SH3TC1: variants seen among roughly 807,000 people sequenced by gnomAD.
The protein encoded by SH3TC1 is SH3 domain and tetratricopeptide repeats 1.
Under a neutral mutation model 117.3 loss-of-function variants are expected in SH3TC1, and 135 were observed. The ratio of observed to expected loss-of-function variants is 1.15; its 90% CI spans 1.00 to 1.33. The LOEUF (loss-of-function observed/expected upper bound fraction) is 1.33. Among genes scored for constraint, SH3TC1 ranks in the 40% most tolerant of loss-of-function variants. The pLI is 0.00. For synonymous variants in SH3TC1, 898 were observed against 816.9 expected, an observed-to-expected ratio of 1.10 and a Z score of -1.69; for missense variants, 2,092 against 1,794.3, an observed-to-expected ratio of 1.17 and a Z score of -3.00.
chr4:8,222,729 GT>G, intron 9 of SH3TC1, 110 bp from the exon 10 acceptor site: 2 of 1,354,798 alleles, frequency 1.5e-6, no homozygotes, highest in Non-Finnish European at 2.0e-6. Context: ...TGGGCAGAGA[GT>G]AGTGCTCCGA....
chr4:8,192,580 G>A lies in SH3TC1; in HGVS notation c.-57+10370G>A, dbSNP rs775212534. Among the ~76,000 whole-genome samples, 3 of 151,788 alleles carry A rather than the reference G, an allele frequency of 2.0e-5. No individual in the cohort carries two copies. Among genetic ancestry groups the A allele is most frequent in the Non-Finnish European group, 2.9e-5 (2 of 67,994 alleles). On this transcript the variant is annotated intron_variant, in intron 1 of 16. Coordinates refer to the SH3TC1 transcript ENST00000508641. This position sits in a 1 kb window ranked among gnomAD's most constrained non-coding sequence, Gnocchi z 4.1. ...ATGATCTCAGCTCACTGCAACCTCT[G>A]CCTACTGGGTTCAAGCAATTCTCCC... is the stretch of plus-strand genomic sequence containing the variant.
Position 8,208,905 on chromosome 4 carries a change from T to C in SH3TC1, c.173-843T>C, listed in dbSNP as rs575998989. ...GAAGACCGGCCACACAGAAGTTCAC[T>C]ACTCTCTGCTGCAGTTGCAGGTTTT... is the stretch of plus-strand genomic sequence containing the variant. On this transcript the variant is annotated intron_variant, in intron 2 of 17. Transcript: ENST00000245105. 2.0e-5 allele frequency among the ~76,000 whole-genome samples: 3 copies of C among 152,354 alleles called. No homozygotes were observed. In the South Asian group the frequency reaches 6.2e-4, roughly 32 times the overall value.
At chr4:8,222,130 G>A (rs1004139077) in intron 9 of SH3TC1, among the ~76,000 whole-genome samples, 15 of 152,080 alleles carry the variant, frequency 9.9e-5, no homozygotes, top group African/African-American at 2.4e-5. Context: ...GGGGAGCACT[G>A]AGGTTGTACA....
At chr4:8,216,519 G>A (rs577309803) in intron 6 of SH3TC1, among the ~76,000 whole-genome samples, 1 of 152,334 alleles carries the variant, frequency 6.6e-6, no homozygotes, top group East Asian at 1.9e-4. Context: ...CCAGTCCCCA[G>A]CTCGTGTCTC....
intron 2 of SH3TC1, among the ~76,000 whole-genome samples, chr4:8,207,516 C>A (rs1718309702): frequency 6.6e-6 from 1 of 152,212 alleles, no homozygotes; most frequent in African/African-American, 2.4e-5. Context: ...ATCCTTGCGA[C>A]AGAGGCTGCC....
Position 8,205,185 on chromosome 4 carries a change from T to A in SH3TC1, c.-10T>A. 6.6e-7 allele frequency: 1 copy of A among 1,510,970 alleles called. No homozygotes were observed. Among genetic ancestry groups the A allele is most frequent in the Non-Finnish European group, 8.8e-7 (1 of 1,130,176 alleles). 93.6% of individuals were successfully genotyped at this position (1,510,970 alleles called of 1,614,324 possible). ...TCCACAGGGCCAGGCATGTGAGGTC[T>A]CTGCGGGTCATGGAGAACCTCCCTG... is the stretch of plus-strand genomic sequence containing the variant. On this transcript the variant is annotated 5_prime_UTR_variant, in exon 2 of 18. Coordinates refer to ENST00000245105, the MANE Select transcript of SH3TC1 (RefSeq NM_018986.5). This position sits in a 1 kb window ranked among gnomAD's most constrained non-coding sequence, Gnocchi z 5.4.
upstream of SH3TC1, among the ~76,000 whole-genome samples, chr4:8,195,109 G>C (rs1578639304): frequency 6.6e-6 from 1 of 152,212 alleles, no homozygotes; most frequent in Non-Finnish European, 1.5e-5. Flanking sequence ...TCACCAGCAG[G>C]CATCAGGAGA....
At chr4:8,226,099 T>C (rs1720436880) in intron 11 of SH3TC1, among the ~76,000 whole-genome samples, 1 of 152,182 alleles carries the variant, frequency 6.6e-6, no homozygotes, top group Admixed American at 6.5e-5. Flanking sequence ...GGAGACAGTT[T>C]GTAGTGAAAA....
intron 1 of SH3TC1, chr4:8,204,960 C>G: frequency 2.6e-6 from 1 of 391,158 alleles, no homozygotes; most frequent in Non-Finnish European, 4.5e-6. Flanking sequence ...GCACAGCAAA[C>G]CCGAGATAGG....
upstream of SH3TC1, among the ~76,000 whole-genome samples, chr4:8,197,931 G>T (rs185631028): frequency 6.6e-6 from 1 of 152,176 alleles, no homozygotes; most frequent in Admixed American, 6.5e-5. Context: ...GGCTGGAGGG[G>T]CTTTGACCTG....
Position 8,232,018 on chromosome 4 carries a change from C to G in SH3TC1, c.2993C>G (p.Ala998Gly), listed in dbSNP as rs1721267525. The change falls in exon 13 of 18, where the codon GCC (alanine) becomes GGC (glycine). Residue 998 changes from alanine to glycine, a missense_variant. Coordinates refer to ENST00000245105, the MANE Select transcript of SH3TC1 (RefSeq NM_018986.5). ...CAGCGGCTGTGCCACTTCTACAGCG[C>G]CGTCATGCCCAGCGAGGCCCAGTGT... ...AVQRLCHFYS[A>G]VMPSEAQCVI... The G allele has an allele frequency of 6.2e-7, 1 of 1,612,842 alleles. No homozygotes were observed. The highest frequency in any genetic ancestry group is 8.5e-7 in the Non-Finnish European group (1 of 1,180,022).
At position 8,236,379 on chromosome 4, in the gene SH3TC1, G is replaced by A. The variant is rs1440467439; in HGVS notation, c.3507G>A (p.Gln1169=). The A allele has an allele frequency of 5.8e-6, 9 of 1,539,718 alleles. No individual in the cohort carries two copies. Among genetic ancestry groups the A allele is most frequent in the Non-Finnish European group, 7.9e-6 (9 of 1,141,178 alleles). The change falls in exon 16 of 18, where the codon CAG becomes CAA. Residue 1169 remains glutamine (Q), a synonymous_variant. Transcript: ENST00000245105. The part of the protein sequence containing the change: ...VALLATLEEP[Q]EGLEFAHMAL... ...TGCTGGCCACGCTGGAGGAGCCCCA[G>A]GAGGGCTTGGAGTTTGCCCACATGG... is the stretch of plus-strand genomic sequence containing the variant.
chr4:8,217,229 T>C, intron 7 of SH3TC1, 62 bp downstream of exon 7: 1 of 1,542,152 alleles, frequency 6.5e-7, no homozygotes, highest in Non-Finnish European at 8.8e-7. Flanking sequence ...CAGGCCCGGG[T>C]CATCTGGAGG....
At chr4:8,202,079 G>A (rs1409886951) in intron 1 of SH3TC1, among the ~76,000 whole-genome samples, 2 of 152,212 alleles carry the variant, frequency 1.3e-5, no homozygotes, top group Admixed American at 6.5e-5. Context: ...GCCTCCATGT[G>A]CTTCCGGAGA....
At position 8,228,107 on chromosome 4, in the gene SH3TC1, G is replaced by A. The variant is rs1386298514; in HGVS notation, c.2413G>A (p.Ala805Thr). Residue 805 changes from alanine (A) to threonine (T), a missense_variant, in exon 12 of 18, where the codon GCC (alanine) becomes ACC (threonine). By Grantham distance (58) the Ala-to-Thr change is moderately conservative (BLOSUM62 0). Transcript: ENST00000245105. Reference sequence around the variant, plus strand: ...CAGCCACCATGGCTGCCACGGCCCGGCCATCACCTTCATGACGCAGGCAGT... The same window carrying A: ...CAGCCACCATGGCTGCCACGGCCCGACCATCACCTTCATGACGCAGGCAGT... Reference protein sequence around the residue: ...LYSHHGCHGPAITFMTQAVEA... With the variant: ...LYSHHGCHGPTITFMTQAVEA... 1.2e-6 allele frequency: 2 copies of A among 1,611,336 alleles called. No homozygotes were observed. Among genetic ancestry groups the A allele is most frequent in the South Asian group, 1.1e-5 (1 of 90,888 alleles).
chr4:8,239,351 G>A (rs553182690), intron 17 of SH3TC1, among the ~76,000 whole-genome samples: 5 of 146,734 alleles, frequency 3.4e-5, no homozygotes, highest in East Asian at 2.0e-4. Context: ...ACACGCACAC[G>A]CAAATGCACA....
At chr4:8,197,465 G>T (rs149888271), upstream of SH3TC1, among the ~76,000 whole-genome samples, 6 of 152,194 alleles carry the variant, frequency 3.9e-5, no homozygotes, top group Non-Finnish European at 7.4e-5. Flanking sequence ...CTGGGGAGCC[G>T]TGTCCCCGCA....
At chr4:8,223,795 G>A (rs897835020) in intron 10 of SH3TC1, among the ~76,000 whole-genome samples, 1 of 152,036 alleles carries the variant, frequency 6.6e-6, no homozygotes, top group African/African-American at 2.4e-5. Flanking sequence ...ACCACACCCT[G>A]GATTAGTTTT....
intron 12 of SH3TC1, among the ~76,000 whole-genome samples, chr4:8,230,483 G>T (rs144507695): frequency 2.9e-4 from 44 of 152,154 alleles, no homozygotes; most frequent in African/African-American, 7.7e-4. Flanking sequence ...TGGTCAGTCT[G>T]GTGAAAGATT....
Sources: gnomAD v4.1 joint callset for allele counts (sites outside exome capture counted in the v4.1 genomes callset) on GRCh38, gnomAD v4.1.1 for gene constraint, Gnocchi (gnomAD v3.1) non-coding constraint, MANE v1.5 for transcripts, NCBI Gene and HGNC (gene_info 2026-07-23, HGNC 2026-07-21) for gene names.